Variants in SLC2A14 observed in about 807,000 individuals in gnomAD.
SLC2A14 encodes solute carrier family 2, facilitated glucose transporter member 14.
Under a neutral mutation model 43.0 loss-of-function variants are expected in SLC2A14, and 13 were observed. The ratio of observed to expected loss-of-function variants is 0.30; its 90% CI spans 0.20 to 0.48. The LOEUF (loss-of-function observed/expected upper bound fraction) is 0.48, where lower values mean the gene tolerates loss of function less well. Among genes scored for constraint, SLC2A14 ranks in the 20% least tolerant of loss-of-function variants. The pLI is 0.99. For missense variants in SLC2A14, 428 were observed against 620.4 expected (o/e 0.69, Z 3.29); for synonymous variants, 190 against 233.8 (o/e 0.81, Z 1.71).
At chr12:7,835,445 G>C (rs1456974629) in intron 2 of SLC2A14, among the ~76,000 whole-genome samples, 2 of 152,162 alleles carry the variant, frequency 1.3e-5, no homozygotes, top group African/African-American at 2.4e-5. Flanking sequence ...AGAAAAAAAG[G>C]AATGAATAGA....
At chr12:7,890,920 T>A in intron 1 of SLC2A14, 1 of 1,450,510 alleles carries the variant, frequency 6.9e-7, no homozygotes, top group Non-Finnish European at 9.1e-7. Context: ...GGAGGGCAAG[T>A]TTTTCCCTTT....
chr12:7,829,026 A>G (rs1273483242), intron 5 of SLC2A14, among the ~76,000 whole-genome samples, 160 bp from the exon 6 acceptor site: 1 of 152,166 alleles, frequency 6.6e-6, no homozygotes, highest in African/African-American at 2.4e-5. Context: ...CAGCCTGGCC[A>G]AGATGGTGAA....
chr12:7,856,761 G>C (rs1236387856), intron 2 of SLC2A14, among the ~76,000 whole-genome samples: 2 of 152,048 alleles, frequency 1.3e-5, no homozygotes, highest in Non-Finnish European at 2.9e-5. Flanking sequence ...CCCCAGGCCT[G>C]CTGAGTCACA....
At chr12:7,851,234 T>G (rs904186880) in intron 2 of SLC2A14, among the ~76,000 whole-genome samples, 1 of 152,202 alleles carries the variant, frequency 6.6e-6, no homozygotes, top group African/African-American at 2.4e-5. Flanking sequence ...GGTGGTCTTA[T>G]GGCTGAAGAA....
intron 2 of SLC2A14, among the ~76,000 whole-genome samples, chr12:7,862,125 A>G (rs1291116902): frequency 6.6e-6 from 1 of 150,736 alleles, no homozygotes; most frequent in Admixed American, 6.6e-5. Flanking sequence ...TTATCTGGGC[A>G]TGGTCGCGCA....
At chr12:7,844,442 T>C (rs35162971) in intron 2 of SLC2A14, among the ~76,000 whole-genome samples, 14,199 of 152,124 alleles carry the variant, frequency 0.093, 735 homozygotes, top group African/African-American at 0.14. Context: ...ATTCCTGATA[T>C]TTGCTGAATG....
chr12:7,889,250 TAA>T (rs1945737755), intron 1 of SLC2A14, among the ~76,000 whole-genome samples: 1 of 150,458 alleles, frequency 6.6e-6, no homozygotes, highest in African/African-American at 2.4e-5. Context: ...TTTTTTTTTT[TAA>T]GACTGAGTTT....
At chr12:7,844,164 T>C (rs1236947819) in intron 2 of SLC2A14, among the ~76,000 whole-genome samples, 1 of 152,168 alleles carries the variant, frequency 6.6e-6, no homozygotes, top group Admixed American at 6.5e-5. Context: ...TATAGCCTCC[T>C]TCTCCAGAAG....
intron 2 of SLC2A14, among the ~76,000 whole-genome samples, chr12:7,852,157 A>C (rs1866986326): frequency 6.6e-6 from 1 of 152,194 alleles, no homozygotes; most frequent in Non-Finnish European, 1.5e-5. Context: ...CCTCCTCAAG[A>C]AAAACCTTAC....
intron 1 of SLC2A14, chr12:7,870,812 T>C (rs1945182514): frequency 1.7e-6 from 2 of 1,167,372 alleles, no homozygotes; most frequent in Non-Finnish European, 2.2e-6. Flanking sequence ...TCAGCCCAGC[T>C]CCAAGAACCC....
intron 2 of SLC2A14, among the ~76,000 whole-genome samples, chr12:7,864,329 G>A (rs11612319): frequency 0.26 from 39,164 of 151,644 alleles, 5,676 homozygotes; most frequent in Middle Eastern, 0.34. Context: ...AGCTTTTAAC[G>A]TCTTTTGTTG....
intron 1 of SLC2A14, among the ~76,000 whole-genome samples, chr12:7,878,991 A>AAAC (rs1945515247): frequency 1.1e-5 from 1 of 91,602 alleles, no homozygotes; most frequent in African/African-American, 4.1e-5. Context: ...AAAAAAAAAA[A>AAAC]AAAAAAAAAA....
intron 1 of SLC2A14, among the ~76,000 whole-genome samples, chr12:7,884,443 G>A (rs1945654426): frequency 6.6e-6 from 1 of 152,076 alleles, no homozygotes; most frequent in South Asian, 2.1e-4. Flanking sequence ...TGGGGGGATG[G>A]GGAAGAGTGG....
chr12:7,831,856 C>T, intron 3 of SLC2A14, 92 bp from the exon 4 acceptor site: 1 of 1,509,112 alleles, frequency 6.6e-7, no homozygotes, highest in Non-Finnish European at 9.0e-7. Flanking sequence ...CGCCTGTAAT[C>T]CCAGCACTTT....
chr12:7,851,715 G>A lies in SLC2A14; in HGVS notation c.18+18148C>T, dbSNP rs778686443. Reference sequence around the variant, plus strand: ...AAAACAGTGACTTAGTTGTATCTGGGTATGGCTGAGAAAGAATTTTTCTCC... The same window carrying A: ...AAAACAGTGACTTAGTTGTATCTGGATATGGCTGAGAAAGAATTTTTCTCC... On this transcript the variant is annotated intron_variant, in intron 2 of 10. Transcript: ENST00000431042. Among the ~76,000 whole-genome samples the A allele has an allele frequency of 2.0e-5, 3 of 152,246 alleles. No individual in the cohort carries two copies. In the South Asian group the frequency reaches 6.2e-4, roughly 32 times the overall value.
intron 4 of SLC2A14, 113 bp from the exon 5 acceptor site, chr12:7,830,119 G>C: frequency 7.3e-7 from 1 of 1,368,624 alleles, no homozygotes; most frequent in Non-Finnish European, 9.9e-7. Context: ...CTCCTTTTTT[G>C]GTCTAACTTT....
intron 1 of SLC2A14, among the ~76,000 whole-genome samples, chr12:7,881,497 C>T (rs1945572075): frequency 6.6e-6 from 1 of 152,162 alleles, no homozygotes; most frequent in Non-Finnish European, 1.5e-5. Context: ...CGATTTCTCC[C>T]CAGGCCTTAG....
At chr12:7,835,205 G>A (rs1186704564) in intron 2 of SLC2A14, among the ~76,000 whole-genome samples, 1 of 152,062 alleles carries the variant, frequency 6.6e-6, no homozygotes, top group Non-Finnish European at 1.5e-5. Flanking sequence ...TGACCAGTAT[G>A]GTGAAAGCCC....
chr12:7,834,743 T>C (rs953379688), intron 2 of SLC2A14, among the ~76,000 whole-genome samples: 3 of 151,598 alleles, frequency 2.0e-5, no homozygotes, highest in African/African-American at 7.3e-5. Context: ...GTGTTGAGCA[T>C]ATTGAGACAA....
Sources: gnomAD v4.1 joint callset for allele counts (sites outside exome capture counted in the v4.1 genomes callset) on GRCh38, gnomAD v4.1.1 for gene constraint, MANE v1.5 for transcripts, NCBI Gene and HGNC (gene_info 2026-07-23, HGNC 2026-07-21) for gene names.